GPR157: variants seen among roughly 807,000 people sequenced by gnomAD.
The protein encoded by GPR157 is G protein-coupled receptor 157.
GPR157 carries 16 observed loss-of-function variants against 23.5 expected under a neutral mutation model. The ratio of observed to expected loss-of-function variants is 0.68; its 90% CI spans 0.46 to 1.04. The LOEUF (loss-of-function observed/expected upper bound fraction) is 1.04. GPR157 is among the 50% of genes least tolerant of loss of function. GPR157 has a pLI of 0.00. For missense variants in GPR157, 440 were observed against 460.7 expected, an observed-to-expected ratio of 0.96 and a Z score of 0.41; for synonymous variants, 200 against 221.5, an observed-to-expected ratio of 0.90 and a Z score of 0.86.
rs772528817 is a variant in GPR157 at position 9,128,660 on chromosome 1, G to A, written c.368C>T (p.Ala123Val). The change falls in exon 1 of 4, where the codon GCC (alanine) becomes GTC (valine). Residue 123 changes from alanine to valine, a missense_variant. Ala to Val is a moderately conservative substitution (Grantham distance 64, BLOSUM62 0). Transcript: ENST00000377411. The surrounding 1 kb of genome is among the most constrained non-coding windows in gnomAD (Gnocchi z 6.3). ...RGPRTDRLLW[A>V]FHVVSWGVPL... is the part of the protein sequence containing the mutation. Reference sequence around the variant, plus strand: ...CGCCACCCACCTGACGACATGGAAGGCCCAAAGCAGGCGATCTGTGCGAGG... The same window carrying A: ...CGCCACCCACCTGACGACATGGAAGACCCAAAGCAGGCGATCTGTGCGAGG... The A allele has an allele frequency of 1.2e-6, 2 of 1,613,014 alleles. No homozygotes were observed. Among genetic ancestry groups the A allele is most frequent in the Non-Finnish European group, 8.5e-7 (1 of 1,179,864 alleles).
chr1:9,126,313 A>C (rs1638962372), intron 1 of GPR157, among the ~76,000 whole-genome samples: 1 of 152,304 alleles, frequency 6.6e-6, no homozygotes, highest in South Asian at 2.1e-4. Flanking sequence ...CCTTACTGTT[A>C]TAACTTGTAT....
At chr1:9,117,850 T>A (rs543306475) in intron 1 of GPR157, among the ~76,000 whole-genome samples, 1 of 151,528 alleles carries the variant, frequency 6.6e-6, no homozygotes, top group African/African-American at 2.4e-5. Context: ...TAACAGTTTT[T>A]CCCCCCTTCA....
chr1:9,111,265 G>T lies in GPR157; in HGVS notation c.597+11C>A. 1 of 1,613,480 alleles carries T rather than the reference G, an allele frequency of 6.2e-7. No individual in the cohort carries two copies. Among genetic ancestry groups the T allele is most frequent in the Non-Finnish European group, 8.5e-7 (1 of 1,179,474 alleles). The stretch of plus-strand genomic sequence containing the variant: ...ATGCAGAGGGCCCTGAGCTCTAAGG[G>T]CAGCGCCTACCGCTCTGTTGATGTG... On this transcript the variant is annotated intron_variant, in intron 2 of 3. Transcript: ENST00000377411.
intron 1 of GPR157, among the ~76,000 whole-genome samples, chr1:9,124,678 C>T (rs1211285275): frequency 6.6e-6 from 1 of 152,210 alleles, no homozygotes; most frequent in Non-Finnish European, 1.5e-5. Flanking sequence ...TGTCTAGCTT[C>T]ACCTCCCGTT....
rs1245457523 is a variant in GPR157, at chr1:9,116,291, TAA to T, written c.384-4804_384-4803del. ...AATATAATTATATATAAATTATATA[TAA>T]ATTATATATATTATATTATATATAA... On this transcript the variant is annotated intron_variant, in intron 1 of 3. Coordinates refer to ENST00000377411, the MANE Select transcript of GPR157 (RefSeq NM_024980.5). Among the ~76,000 whole-genome samples, 6 of 4,564 alleles carry T rather than the reference TAA, an allele frequency of 1.3e-3. 2 individuals are homozygous for T. The highest frequency in any genetic ancestry group is 8.4e-3 in the African/African-American group (4 of 474). 3.0% of individuals were successfully genotyped at this position (4,564 alleles called of 152,430 possible).
chr1:9,102,965 G>A lies in GPR157; in HGVS notation c.*1454C>T, dbSNP rs1319306283. ...GTCCTGCTGTTGCCCAGGCTGGAGTGGCAGTGGTGCCATCCCAGTTCAATG... is the reference window on the plus strand; with the variant it reads ...GTCCTGCTGTTGCCCAGGCTGGAGTAGCAGTGGTGCCATCCCAGTTCAATG... On this transcript the variant is annotated 3_prime_UTR_variant, in exon 4 of 4. Transcript: ENST00000377411. 6.6e-6 allele frequency: 1 copy of A among 151,806 alleles called. No individual in the cohort carries two copies. The highest frequency in any genetic ancestry group is 2.4e-5 in the African/African-American group (1 of 41,280). The allele number at this position is 151,806 out of a possible 1,614,324, so 9.4% of individuals were successfully genotyped here.
rs922470341 is a variant in GPR157, at chr1:9,118,367, C to T, written c.384-6878G>A. Among the ~76,000 whole-genome samples, 4 of 151,972 alleles carry T rather than the reference C, an allele frequency of 2.6e-5. No individual in the cohort carries two copies. In the East Asian group the frequency reaches 7.7e-4, roughly 29 times the overall value. ...GGTTAGAGCAGGTGACCCATAAGGC[C>T]CCTCCTGTCTAAACCTGTGACTCTG... is the stretch of plus-strand genomic sequence containing the variant. On this transcript the variant is annotated intron_variant, in intron 1 of 3. Transcript: ENST00000377411. This position sits in a 1 kb window ranked among gnomAD's most constrained non-coding sequence, Gnocchi z 4.6.
rs1000235922 is a variant in GPR157, at chr1:9,118,586, G to C, written c.384-7097C>G. Among the ~76,000 whole-genome samples the C allele has an allele frequency of 3.9e-5, 6 of 152,248 alleles. No individual in the cohort carries two copies. Among genetic ancestry groups the C allele is most frequent in the South Asian group, 4.1e-4 (2 of 4,822 alleles). On this transcript the variant is annotated intron_variant, in intron 1 of 3. Transcript: ENST00000377411. The surrounding 1 kb of genome is among the most constrained non-coding windows in gnomAD (Gnocchi z 4.6). ...TCCTTCCCACTCAGAGGCCGTTAAG[G>C]GTTCAATTGTGTCCCCTACAAATTT...
Position 9,105,609 on chromosome 1 carries a change from C to G in GPR157, c.669G>C (p.Ala223=), listed in dbSNP as rs144557302. 1 of 1,612,462 alleles carries G rather than the reference C, an allele frequency of 6.2e-7. No individual in the cohort carries two copies. Among genetic ancestry groups the G allele is most frequent in the Admixed American group, 1.7e-5 (1 of 59,876 alleles). Residue 223 remains alanine (A), a synonymous_variant, in exon 3 of 4, where the codon GCG becomes GCC. Coordinates refer to ENST00000377411, the MANE Select transcript of GPR157 (RefSeq NM_024980.5). The surrounding 1 kb of genome is among the most constrained non-coding windows in gnomAD (Gnocchi z 4.8). ...GCGGGATGAGCACCAGCTTCTTGTC[C>G]GCCATGGAGGAGTGGCGCAGCAGGC... ...EHRLLRHSSM[A]DKKLVLIPLI...
At chr1:9,125,772 C>T (rs1224530567) in intron 1 of GPR157, among the ~76,000 whole-genome samples, 1 of 152,138 alleles carries the variant, frequency 6.6e-6, no homozygotes, top group East Asian at 1.9e-4. Flanking sequence ...ACCATAAGTG[C>T]CTCACAAACA....
chr1:9,101,945 C>T lies in GPR157; in HGVS notation c.*2474G>A, dbSNP rs1441940848. 2 of 152,224 alleles carry T rather than the reference C, an allele frequency of 1.3e-5. No individual in the cohort carries two copies. Among genetic ancestry groups the T allele is most frequent in the African/African-American group, 4.8e-5 (2 of 41,452 alleles). The allele number at this position is 152,224 out of a possible 1,614,324, so 9.4% of individuals were successfully genotyped here. Reference sequence around the variant, plus strand: ...CTGAATTTTCGCTCCCTTCTAGAAGCTCAAGTGAGGGTCTTTACCAGAGAC... The same window carrying T: ...CTGAATTTTCGCTCCCTTCTAGAAGTTCAAGTGAGGGTCTTTACCAGAGAC... On this transcript the variant is annotated 3_prime_UTR_variant, in exon 4 of 4. Coordinates refer to ENST00000377411, the MANE Select transcript of GPR157 (RefSeq NM_024980.5).
chr1:9,123,221 A>ATAAAATTTAT (rs1638841949), intron 1 of GPR157, among the ~76,000 whole-genome samples: 1 of 126,038 alleles, frequency 7.9e-6, no homozygotes, highest in African/African-American at 3.0e-5. Flanking sequence ...TATTTATTAA[A>ATAAAATTTAT]ATATATATTT....
At chr1:9,116,835 G>T (rs367763870) in intron 1 of GPR157, among the ~76,000 whole-genome samples, 1 of 151,736 alleles carries the variant, frequency 6.6e-6, no homozygotes, top group African/African-American at 2.4e-5. Flanking sequence ...TCCAAATCTC[G>T]GACTCAAGTA....
At chr1:9,123,558 T>G in intron 1 of GPR157, among the ~76,000 whole-genome samples, 1 of 111,958 alleles carries the variant, frequency 8.9e-6, no homozygotes, top group South Asian at 2.5e-4. Flanking sequence ...TTTAAATATA[T>G]ATTTAAATAT....
At chr1:9,123,757 ATAT>A (rs1204824746) in intron 1 of GPR157, among the ~76,000 whole-genome samples, 6 of 124,304 alleles carry the variant, frequency 4.8e-5, no homozygotes, top group African/African-American at 1.2e-4. Flanking sequence ...TATATATTTA[ATAT>A]TATATATATT....
chr1:9,123,374 AAAT>A (rs1638866399), intron 1 of GPR157, among the ~76,000 whole-genome samples: 2 of 27,944 alleles, frequency 7.2e-5, no homozygotes, highest in African/African-American at 2.4e-4. Flanking sequence ...TATTTAAATT[AAAT>A]ATATATATTT....
intron 1 of GPR157, among the ~76,000 whole-genome samples, chr1:9,126,463 T>A (rs957881950): frequency 2.0e-5 from 3 of 152,242 alleles, no homozygotes; most frequent in Non-Finnish European, 4.4e-5. Context: ...AATAAGGATG[T>A]CAACCTTCTG....
chr1:9,106,580 C>T (rs1244057736), intron 2 of GPR157, among the ~76,000 whole-genome samples: 1 of 152,218 alleles, frequency 6.6e-6, no homozygotes, highest in Non-Finnish European at 1.5e-5. Flanking sequence ...TCTGGAATGC[C>T]CGTCTCCATC....
chr1:9,107,952 T>G (rs1026331530), intron 2 of GPR157, among the ~76,000 whole-genome samples: 1 of 151,602 alleles, frequency 6.6e-6, no homozygotes, highest in Non-Finnish European at 1.5e-5. Context: ...ATTAGCCAGG[T>G]GTGGTGGCAC....
Sources: allele counts gnomAD v4.1 joint callset (sites outside exome capture counted in the v4.1 genomes callset), GRCh38; gene constraint gnomAD v4.1.1; non-coding constraint Gnocchi (gnomAD v3.1); transcripts MANE v1.5; gene names NCBI Gene and HGNC (gene_info 2026-07-23, HGNC 2026-07-21).